Variants in TLK1 observed in about 807,000 individuals in gnomAD.
TLK1 encodes serine/threonine-protein kinase tousled-like 1.
A neutral mutation model predicts 105.3 loss-of-function variants in TLK1; 24 were observed. That is an observed-to-expected ratio of 0.23 (90% CI 0.17 to 0.32). TLK1 has a LOEUF of 0.32. Ranked by LOEUF, TLK1 falls within the 10% of genes least tolerant of loss-of-function variation. TLK1 has a pLI of 1.00. For missense variants in TLK1, 558 were observed against 910.5 expected (o/e 0.61, Z 4.98); for synonymous variants, 321 against 310.4 (o/e 1.03, Z -0.36).
chr2:171,190,987 C>G lies in TLK1; in HGVS notation c.-6+40158G>C, dbSNP rs1428045433. 3.3e-5 allele frequency among the ~76,000 whole-genome samples: 5 copies of G among 151,934 alleles called. No homozygotes were observed. In the South Asian group the frequency reaches 8.3e-4, roughly 25 times the overall value. ...GACTAGCCTGGCCAATATGGTGAAA[C>G]CCCATCTCTACTAAAATACAAAAAT... On this transcript the variant is annotated intron_variant, in intron 1 of 20. Coordinates refer to the TLK1 transcript ENST00000521943.
At chr2:171,061,024 T>A in intron 4 of TLK1, 57 bp downstream of exon 4, 1 of 1,521,580 alleles carries the variant, frequency 6.6e-7, no homozygotes, top group Non-Finnish European at 9.0e-7. Flanking sequence ...GGTTAAAAAT[T>A]AAAACAATTA....
intron 1 of TLK1, among the ~76,000 whole-genome samples, chr2:171,169,711 C>A (rs1159549402): frequency 6.6e-6 from 1 of 152,002 alleles, no homozygotes; most frequent in African/African-American, 2.4e-5. Context: ...GGAAAAAAAA[C>A]GCTGTATTTT....
At chr2:171,226,790 G>C (rs559463319) in intron 1 of TLK1, among the ~76,000 whole-genome samples, 1 of 152,220 alleles carries the variant, frequency 6.6e-6, no homozygotes, top group Non-Finnish European at 1.5e-5. Flanking sequence ...TAGGGTAGTG[G>C]TCATGCATAC....
chr2:171,223,798 A>ATT (rs1273261078), intron 1 of TLK1, among the ~76,000 whole-genome samples: 26 of 127,250 alleles, frequency 2.0e-4, no homozygotes, highest in Admixed American at 3.1e-4. Flanking sequence ...TTTAAAATCA[A>ATT]TTTTTTTTTT....
At chr2:171,198,718 C>T (rs748190983) in intron 1 of TLK1, among the ~76,000 whole-genome samples, 15 of 152,182 alleles carry the variant, frequency 9.9e-5, no homozygotes, top group South Asian at 6.2e-4. Flanking sequence ...TAATTATAAA[C>T]GGCCTTTAAA....
chr2:171,057,991 T>C (rs1687582360), intron 5 of TLK1, among the ~76,000 whole-genome samples, 160 bp downstream of exon 5: 1 of 152,084 alleles, frequency 6.6e-6, no homozygotes, highest in Non-Finnish European at 1.5e-5. Context: ...CCAATGTAAA[T>C]GTAAATCTAA....
At chr2:171,129,672 C>T (rs979761232) in intron 1 of TLK1, among the ~76,000 whole-genome samples, 22 of 152,062 alleles carry the variant, frequency 1.4e-4, no homozygotes, top group Admixed American at 3.9e-4. Context: ...GACCCCATCT[C>T]TACAAAAAAA....
intron 2 of TLK1, among the ~76,000 whole-genome samples, chr2:171,113,116 CGA>C (rs1179395056): frequency 6.6e-6 from 1 of 151,896 alleles, no homozygotes; most frequent in Non-Finnish European, 1.5e-5. Flanking sequence ...AAAGAGTAAA[CGA>C]GAGATTTTAC....
At chr2:171,180,719 C>G (rs1418251930) in intron 1 of TLK1, among the ~76,000 whole-genome samples, 1 of 151,658 alleles carries the variant, frequency 6.6e-6, no homozygotes, top group African/African-American at 2.4e-5. Flanking sequence ...GTGACTGTTA[C>G]TGAGACACTG....
chr2:171,021,909 C>A (rs528956193), intron 12 of TLK1, among the ~76,000 whole-genome samples: 3 of 151,998 alleles, frequency 2.0e-5, no homozygotes, highest in African/African-American at 7.2e-5. Flanking sequence ...ACCAGCCTGA[C>A]CAACATGGTG....
intron 12 of TLK1, among the ~76,000 whole-genome samples, chr2:171,022,242 G>T (rs182115836): frequency 1.3e-5 from 2 of 152,190 alleles, no homozygotes; most frequent in African/African-American, 4.8e-5. Flanking sequence ...AGGATAGTTT[G>T]CAGGTCCATA....
intron 1 of TLK1, among the ~76,000 whole-genome samples, chr2:171,220,695 C>G (rs1693792224): frequency 6.6e-6 from 1 of 151,878 alleles, no homozygotes; most frequent in Non-Finnish European, 1.5e-5. Context: ...TCCCCTCACC[C>G]ATACAACTAT....
intron 3 of TLK1, among the ~76,000 whole-genome samples, chr2:171,069,842 C>T (rs1278667131): frequency 1.3e-5 from 2 of 152,140 alleles, no homozygotes; most frequent in African/African-American, 4.8e-5. Context: ...ATGGTAAATA[C>T]CAAATAGTTG....
chr2:171,099,316 TTATACAG>T (rs1300671689), intron 2 of TLK1, among the ~76,000 whole-genome samples: 4 of 152,062 alleles, frequency 2.6e-5, no homozygotes, highest in African/African-American at 9.7e-5. Context: ...AATGCAAGAC[TTATACAG>T]TATAAACTAA....
intron 1 of TLK1, among the ~76,000 whole-genome samples, chr2:171,199,579 C>T (rs778125952): frequency 1.3e-5 from 2 of 151,982 alleles, no homozygotes; most frequent in South Asian, 2.1e-4. Context: ...GCCTTGAGTC[C>T]TAAAGCCCAG....
intron 1 of TLK1, among the ~76,000 whole-genome samples, chr2:171,228,137 C>T (rs184294443): frequency 1.1e-4 from 16 of 152,284 alleles, no homozygotes; most frequent in African/African-American, 3.1e-4. Flanking sequence ...GATTGTGCCA[C>T]TGCACTCTAG....
In TLK1 at chr2:171,047,387, A is replaced by G. The variant is rs534163444; in HGVS notation, c.981-1025T>C. Among the ~76,000 whole-genome samples the G allele has an allele frequency of 9.2e-5, 14 of 152,342 alleles. No individual in the cohort carries two copies. The East Asian group carries it at 2.7e-3, about 29-fold the overall frequency. ...GGTTACAATACTTAGAGCAAGTCAA[A>G]TATTTCATGCCCTCCTCTCCCCAAC... On this transcript the variant is annotated intron_variant, in intron 10 of 20. Transcript: ENST00000431350.
chr2:171,019,306 C>A (rs1685363003), intron 12 of TLK1, among the ~76,000 whole-genome samples: 1 of 151,972 alleles, frequency 6.6e-6, no homozygotes, highest in East Asian at 1.9e-4. Context: ...TGTAAAATTC[C>A]AGGTTAAAAA....
chr2:170,998,515 C>T (rs1314114937), intron 18 of TLK1, among the ~76,000 whole-genome samples: 1 of 152,156 alleles, frequency 6.6e-6, no homozygotes, highest in Non-Finnish European at 1.5e-5. Context: ...ACTCCAATTA[C>T]TTAGCATCTT....
Sources: gnomAD v4.1 joint callset for allele counts (sites outside exome capture counted in the v4.1 genomes callset) on GRCh38, gnomAD v4.1.1 for gene constraint, MANE v1.5 for transcripts, NCBI Gene and HGNC (gene_info 2026-07-23, HGNC 2026-07-21) for gene names.